TBC1D19: variants seen among roughly 807,000 people sequenced by gnomAD.
TBC1D19 encodes TBC1 domain family member 19, also known as TBC1 domain family, member 19.
In TBC1D19, 60 loss-of-function variants were observed where a neutral mutation model predicts 89.0. The ratio of observed to expected loss-of-function variants is 0.67; its 90% CI spans 0.55 to 0.84. The LOEUF is 0.84. Among genes scored for constraint, TBC1D19 ranks in the 40% least tolerant of loss-of-function variants. TBC1D19 has a pLI of 0.00. For missense variants in TBC1D19, 500 were observed against 610.8 expected (o/e 0.82, Z 1.91); for synonymous variants, 189 against 199.7 (o/e 0.95, Z 0.45).
At chr4:26,707,068 G>A (rs1157031275) in intron 13 of TBC1D19, among the ~76,000 whole-genome samples, 5 of 151,580 alleles carry the variant, frequency 3.3e-5, no homozygotes, top group South Asian at 4.2e-4. Flanking sequence ...TACTCTAGTT[G>A]GTTTATCATG....
At chr4:26,646,236 A>C (rs553424432) in intron 7 of TBC1D19, among the ~76,000 whole-genome samples, 1 of 152,216 alleles carries the variant, frequency 6.6e-6, no homozygotes, top group Non-Finnish European at 1.5e-5. Context: ...ACTGGCCATC[A>C]GAGAAATGCA....
chr4:26,620,551 G>A, intron 3 of TBC1D19, 62 bp from the exon 4 acceptor site: 1 of 1,361,454 alleles, frequency 7.3e-7, no homozygotes, highest in Non-Finnish European at 1.0e-6. Context: ...GGACTACAGA[G>A]GTAAGTAATA....
the TBC1D19 span, among the ~76,000 whole-genome samples, chr4:26,810,959 G>A: frequency 6.6e-6 from 1 of 152,134 alleles, no homozygotes; most frequent in South Asian, 2.1e-4. Flanking sequence ...ATCCCTCAAA[G>A]ATCTAAAACC....
In TBC1D19 at chr4:26,584,210, C is replaced by T. The variant is rs776655586; in HGVS notation, c.17C>T (p.Ser6Leu). The change falls in exon 1 of 21, where the codon TCG (serine) becomes TTG (leucine). Residue 6 changes from serine to leucine, a missense_variant. Coordinates refer to ENST00000264866, the MANE Select transcript of TBC1D19 (RefSeq NM_018317.4). The part of the protein sequence containing the change: MLQEE[S>L]DLSLIIAQIV... ...GCAGGGGAAATGTTGCAGGAGGAGT[C>T]GGACCTCTCTCTCATTATTGCCCAG... 3 of 1,611,628 alleles carry T rather than the reference C, an allele frequency of 1.9e-6. No individual in the cohort carries two copies. The highest frequency in any genetic ancestry group is 1.7e-6 in the Non-Finnish European group (2 of 1,179,320).
intron 13 of TBC1D19, among the ~76,000 whole-genome samples, chr4:26,716,995 C>A (rs951948242): frequency 9.9e-5 from 15 of 152,012 alleles, no homozygotes; most frequent in African/African-American, 3.6e-4. Context: ...CTTATGTAGT[C>A]ATTTAAAATA....
At chr4:26,831,133 GA>G in the TBC1D19 span, among the ~76,000 whole-genome samples, 7 of 151,976 alleles carry the variant, frequency 4.6e-5, no homozygotes, top group Non-Finnish European at 1.0e-4. Context: ...TTTCTCTAGG[GA>G]AAAAACCTCT....
chr4:26,659,716 A>G lies in TBC1D19; in HGVS notation c.591+9A>G. 4.0e-6 allele frequency: 6 copies of G among 1,517,754 alleles called. No homozygotes were observed. The African/African-American group carries it at 4.1e-5, about 10-fold the overall frequency. 94.0% of individuals were successfully genotyped at this position (1,517,754 alleles called of 1,614,324 possible). ...AAGACATCCCTGAATTGGTAAGTAT[A>G]GAAACTTAAAAATAAACATCATTTA... is the stretch of plus-strand genomic sequence containing the variant. On this transcript the variant is annotated intron_variant, in intron 8 of 20. Transcript: ENST00000264866.
At position 26,584,170 on chromosome 4, in the gene TBC1D19, G is replaced by T. The variant is rs369871306; in HGVS notation, c.-24G>T. On this transcript the variant is annotated 5_prime_UTR_variant, in exon 1 of 21. Coordinates refer to ENST00000264866, the MANE Select transcript of TBC1D19 (RefSeq NM_018317.4). ...TCCGCGCCGGCGGCCTGTCCCCGCG[G>T]CTTGGCGGGCTAGGGCAGGGGAAAT... The T allele has an allele frequency of 1.9e-6, 3 of 1,600,078 alleles. No homozygotes were observed. Among genetic ancestry groups the T allele is most frequent in the Non-Finnish European group, 1.7e-6 (2 of 1,174,506 alleles).
the TBC1D19 span, among the ~76,000 whole-genome samples, chr4:26,769,944 C>A: frequency 6.6e-6 from 1 of 150,724 alleles, no homozygotes; most frequent in African/African-American, 2.4e-5. Flanking sequence ...CAAACAACCA[C>A]TAAAATAAAA....
the TBC1D19 span, among the ~76,000 whole-genome samples, chr4:26,823,176 G>C: frequency 6.6e-6 from 1 of 152,210 alleles, no homozygotes; most frequent in Non-Finnish European, 1.5e-5. Flanking sequence ...CAAACAGAGA[G>C]AGCTTGTGCA....
At chr4:26,738,003 T>C (rs968904780) in intron 16 of TBC1D19, among the ~76,000 whole-genome samples, 1 of 151,948 alleles carries the variant, frequency 6.6e-6, no homozygotes. Flanking sequence ...ATTCCTACAG[T>C]ATAGTCTTTC....
the TBC1D19 span, among the ~76,000 whole-genome samples, chr4:26,799,722 C>T: frequency 0.019 from 2,946 of 152,290 alleles, 94 homozygotes; most frequent in African/African-American, 0.065. Context: ...CCTCACCAAA[C>T]ACCAAAACTG....
At chr4:26,852,905 C>T in the TBC1D19 span, among the ~76,000 whole-genome samples, 6 of 152,338 alleles carry the variant, frequency 3.9e-5, no homozygotes, top group East Asian at 1.2e-3. Flanking sequence ...AGGCGTGAGC[C>T]ACTGCACCCG....
At chr4:26,672,264 C>T in intron 10 of TBC1D19, 77 bp downstream of exon 10, 1 of 1,152,852 alleles carries the variant, frequency 8.7e-7, no homozygotes, top group Non-Finnish European at 1.1e-6. Flanking sequence ...CAGATAACCT[C>T]CAGGTGAAAT....
At chr4:26,652,431 G>T (rs1298076932) in intron 7 of TBC1D19, among the ~76,000 whole-genome samples, 1 of 151,998 alleles carries the variant, frequency 6.6e-6, no homozygotes, top group Non-Finnish European at 1.5e-5. Flanking sequence ...TGGAGAACGG[G>T]GTCTCACTGT....
At chr4:26,616,980 T>C (rs565237248) in intron 3 of TBC1D19, among the ~76,000 whole-genome samples, 1 of 152,320 alleles carries the variant, frequency 6.6e-6, no homozygotes, top group South Asian at 2.1e-4. Context: ...TGAAGTAAAA[T>C]TTATTATGAT....
intron 3 of TBC1D19, among the ~76,000 whole-genome samples, 165 bp downstream of exon 3, chr4:26,614,618 C>T (rs1741566282): frequency 6.6e-6 from 1 of 152,028 alleles, no homozygotes; most frequent in African/African-American, 2.4e-5. Context: ...TACCGTCTTG[C>T]CTGACAAATA....
chr4:26,594,037 A>G (rs1267274042), intron 1 of TBC1D19, among the ~76,000 whole-genome samples: 1 of 152,214 alleles, frequency 6.6e-6, no homozygotes, highest in Non-Finnish European at 1.5e-5. Flanking sequence ...AGACACATGC[A>G]CACGTATGTT....
At chr4:26,717,265 T>G (rs1324164628) in intron 13 of TBC1D19, among the ~76,000 whole-genome samples, 4 of 152,062 alleles carry the variant, frequency 2.6e-5, no homozygotes, top group Admixed American at 6.6e-5. Flanking sequence ...GAGACCCAGA[T>G]TTCCTGTCAC....
Sources: gnomAD v4.1 joint callset for allele counts (sites outside exome capture counted in the v4.1 genomes callset) on GRCh38, gnomAD v4.1.1 for gene constraint, MANE v1.5 for transcripts, NCBI Gene and HGNC (gene_info 2026-07-23, HGNC 2026-07-21) for gene names.